The following AFP variants were observed in gnomAD, a reference collection of about 807,000 sequenced individuals.
AFP encodes alpha-fetoprotein.
AFP carries 64 observed loss-of-function variants against 78.9 expected under a neutral mutation model. The ratio of observed to expected loss-of-function variants is 0.81; its 90% CI spans 0.66 to 1.00. The LOEUF (loss-of-function observed/expected upper bound fraction) is 1.00. AFP is among the 50% of genes least tolerant of loss of function. The probability of loss-of-function intolerance (pLI) is 0.00; values close to 1 mark genes in which losing one functional copy is unlikely to be tolerated. For synonymous variants in AFP, 254 were observed against 243.8 expected (o/e 1.04, Z -0.39); for missense variants, 689 against 703.8 (o/e 0.98, Z 0.24).
Position 73,438,291 on chromosome 4 carries a change from G to T in AFP, c.255G>T (p.Gly85=). The part of the protein sequence containing the change: ...EKPTGDEQSS[G]CLENQLPAFL... The stretch of plus-strand genomic sequence containing the variant: ...CCACTGGAGATGAACAGTCTTCAGG[G>T]TGTTTAGAAAACCAGGTGAGTGAAT... Residue 85 remains glycine, a synonymous_variant, in exon 3 of 15, where the codon GGG becomes GGT. Coordinates refer to ENST00000395792, the MANE Select transcript of AFP (RefSeq NM_001134.3). 1 of 1,613,000 alleles carries T rather than the reference G, an allele frequency of 6.2e-7. No homozygotes were observed. Among genetic ancestry groups the T allele is most frequent in the Non-Finnish European group, 8.5e-7 (1 of 1,179,282 alleles).
chr4:73,439,711 GT>G (rs1229107916), intron 3 of AFP, among the ~76,000 whole-genome samples: 4 of 152,142 alleles, frequency 2.6e-5, no homozygotes, highest in Non-Finnish European at 5.9e-5. Context: ...TGTCATCTGA[GT>G]TTGGTAAGGG....
intron 12 of AFP, 179 bp from the exon 13 acceptor site, chr4:73,453,586 G>C: frequency 1.5e-6 from 1 of 672,844 alleles, no homozygotes. Context: ...TGGAACACTT[G>C]GCATGCTTTC....
In AFP at chr4:73,440,921, G is replaced by A. The variant is rs1719642686; in HGVS notation, c.482+108G>A. 7.5e-6 allele frequency: 8 copies of A among 1,062,484 alleles called. No homozygotes were observed. The African/African-American group carries it at 8.0e-5, about 11-fold the overall frequency. The allele number at this position is 1,062,484 out of a possible 1,614,324, so 65.8% of individuals were successfully genotyped here. On this transcript the variant is annotated intron_variant, in intron 4 of 14. Transcript: ENST00000395792. The stretch of plus-strand genomic sequence containing the variant: ...ATGTACTCCCAGTAAGAGGTATAAT[G>A]TTTCTTTGGTGTTGTGTCTGCTGAG...
chr4:73,450,528 G>T, intron 10 of AFP, 87 bp from the exon 11 acceptor site: 1 of 1,586,980 alleles, frequency 6.3e-7, no homozygotes, highest in South Asian at 1.1e-5. Context: ...CTTCTGGCAT[G>T]AGAGTAGAGA....
intron 7 of AFP, among the ~76,000 whole-genome samples, chr4:73,446,363 C>T (rs1719826614): frequency 6.6e-6 from 1 of 152,096 alleles, no homozygotes; most frequent in Non-Finnish European, 1.5e-5. Flanking sequence ...TCATAACCAC[C>T]CTTTTCCTTT....
intron 7 of AFP, 128 bp from the exon 8 acceptor site, chr4:73,447,334 G>T (rs1719859572): frequency 1.0e-4 from 55 of 548,294 alleles, no homozygotes; most frequent in South Asian, 2.9e-4. Context: ...TTCTTTCCTG[G>T]CCTTTTTTCC....
At chr4:73,444,881 G>C (rs1446766505) in intron 6 of AFP, 112 bp from the exon 7 acceptor site, 2 of 949,662 alleles carry the variant, frequency 2.1e-6, no homozygotes, top group African/African-American at 1.7e-5. Flanking sequence ...AAACAACAAG[G>C]GAATTTCAGT....
At chr4:73,445,177 T>A in intron 7 of AFP, 55 bp downstream of exon 7, 2 of 1,602,082 alleles carry the variant, frequency 1.2e-6, no homozygotes, top group Non-Finnish European at 1.7e-6. Context: ...TCTTTCTTTT[T>A]GTCTCATTCT....
chr4:73,453,364 A>C (rs1720062499), intron 12 of AFP: 1 of 245,054 alleles, frequency 4.1e-6, no homozygotes, highest in Non-Finnish European at 8.1e-6. Flanking sequence ...CAGTGCAGGC[A>C]ATTAGTGCTG....
Position 73,447,571 on chromosome 4 carries a change from A to G in AFP, c.953A>G (p.Glu318Gly). Residue 318 changes from glutamate to glycine, a missense_variant, in exon 8 of 15, where the codon GAA (glutamate) becomes GGA (glycine). Physicochemically the swap from Glu to Gly is moderately conservative, Grantham distance 98. Coordinates refer to ENST00000395792, the MANE Select transcript of AFP (RefSeq NM_001134.3). ...LERGQCIIHA[E>G]NDEKPEGLSP... ...CGTGGTCAATGTATAATTCATGCAGAAAATGATGAAAAACCTGAAGGTCTA... is the reference window on the plus strand; with the variant it reads ...CGTGGTCAATGTATAATTCATGCAGGAAATGATGAAAAACCTGAAGGTCTA... The G allele has an allele frequency of 6.2e-7, 1 of 1,612,704 alleles. No homozygotes were observed. The highest frequency in any genetic ancestry group is 8.5e-7 in the Non-Finnish European group (1 of 1,179,726).
chr4:73,436,806 G>A (rs1719518828), intron 1 of AFP, among the ~76,000 whole-genome samples: 3 of 151,788 alleles, frequency 2.0e-5, no homozygotes, highest in Admixed American at 2.0e-4. Context: ...ACTGGGATAT[G>A]AATGGCAAAC....
In AFP at chr4:73,447,661, A is replaced by C; in HGVS notation, c.1043A>C (p.Asn348Thr). The change falls in exon 8 of 15, where the codon AAT becomes ACT. Residue 348 changes from asparagine to threonine, a missense_variant. By Grantham distance (65) the Asn-to-Thr change is moderately conservative. Coordinates refer to ENST00000395792, the MANE Select transcript of AFP (RefSeq NM_001134.3). Reference protein sequence around the residue: ...DFNQFSSGEKNIFLASFVHEY... With the variant: ...DFNQFSSGEKTIFLASFVHEY... ...AACCAATTTTCTTCAGGGGAAAAAA[A>C]TATCTTCTTGGCAAGGTAACACACT... 6.2e-7 allele frequency: 1 copy of C among 1,610,352 alleles called. No individual in the cohort carries two copies. Among genetic ancestry groups the C allele is most frequent in the South Asian group, 1.1e-5 (1 of 90,886 alleles).
At chr4:73,455,378 T>C (rs1485658488) in intron 14 of AFP, 88 bp downstream of exon 14, 7 of 1,083,156 alleles carry the variant, frequency 6.5e-6, no homozygotes, top group Admixed American at 5.7e-5. Context: ...GGAGTGCCAT[T>C]AATTCTCTTA....
chr4:73,438,762 C>T (rs1193778190), intron 3 of AFP, among the ~76,000 whole-genome samples: 1 of 152,138 alleles, frequency 6.6e-6, no homozygotes, highest in Non-Finnish European at 1.5e-5. Context: ...ATAGATAGCA[C>T]TGATGAATCA....
chr4:73,445,076 A>T lies in AFP; in HGVS notation c.797A>T (p.His266Leu), dbSNP rs144243983. 5 of 1,613,936 alleles carry T rather than the reference A, an allele frequency of 3.1e-6. No homozygotes were observed. The highest frequency in any genetic ancestry group is 1.3e-5 in the African/African-American group (1 of 74,940). ...CTAGTCCTGGATGTGGCCCATGTAC[A>T]TGAGCACTGTTGCAGAGGAGATGTG... ...QKLVLDVAHV[H>L]EHCCRGDVLD... is the part of the protein sequence containing the mutation. The change falls in exon 7 of 15, where the codon CAT becomes CTT. Residue 266 changes from histidine (H) to leucine (L), a missense_variant. Physicochemically the swap from His to Leu is moderately conservative, Grantham distance 99 (BLOSUM62 -3). Coordinates refer to ENST00000395792, the MANE Select transcript of AFP (RefSeq NM_001134.3).
At chr4:73,436,740 G>A (rs1307906105) in intron 1 of AFP, among the ~76,000 whole-genome samples, 1 of 151,754 alleles carries the variant, frequency 6.6e-6, no homozygotes, top group African/African-American at 2.4e-5. Flanking sequence ...TAAAATCTTT[G>A]TTTTTAATAC....
chr4:73,450,606 T>G lies in AFP; in HGVS notation c.1290-9T>G. 6.2e-7 allele frequency: 1 copy of G among 1,614,130 alleles called. No individual in the cohort carries two copies. Among genetic ancestry groups the G allele is most frequent in the African/African-American group, 1.3e-5 (1 of 75,042 alleles). Reference sequence around the variant, plus strand: ...TCAGCAGGACTTAGTTAAAAAATGCTTCTTTCAGGTTTCTCGTTGCTTACA... The same window carrying G: ...TCAGCAGGACTTAGTTAAAAAATGCGTCTTTCAGGTTTCTCGTTGCTTACA... On this transcript the variant is annotated splice_polypyrimidine_tract_variant and intron_variant, in intron 10 of 14. Transcript: ENST00000395792.
chr4:73,440,466 A>C, intron 3 of AFP, 136 bp from the exon 4 acceptor site: 1 of 728,696 alleles, frequency 1.4e-6, no homozygotes, highest in Non-Finnish European at 2.3e-6. Context: ...CTGAAACAAA[A>C]TACATTAGAA....
At chr4:73,438,358 T>C (rs766364091) in intron 3 of AFP, 52 bp downstream of exon 3, 1 of 1,561,932 alleles carries the variant, frequency 6.4e-7, no homozygotes, top group Non-Finnish European at 8.7e-7. Flanking sequence ...AAATTTAGCA[T>C]GCTGAAGAGA....
Sources: allele counts gnomAD v4.1 joint callset (sites outside exome capture counted in the v4.1 genomes callset), GRCh38; gene constraint gnomAD v4.1.1; transcripts MANE v1.5; gene names NCBI Gene and HGNC (gene_info 2026-07-23, HGNC 2026-07-21).